Variants in PCSK5 observed in about 807,000 individuals in gnomAD.
PCSK5 encodes the protein proprotein convertase subtilisin/kexin type 5, also known as prohormone convertase 5.
A neutral mutation model predicts 233.2 loss-of-function variants in PCSK5; 129 were observed. That is an observed-to-expected ratio of 0.55 (90% confidence interval 0.48 to 0.64). The LOEUF (loss-of-function observed/expected upper bound fraction) is 0.64. PCSK5 is among the 30% of genes least tolerant of loss of function. PCSK5 has a pLI of 0.00. For synonymous variants in PCSK5, 825 were observed against 879.2 expected, an observed-to-expected ratio of 0.94 and a Z score of 1.09; for missense variants, 2,076 against 2,430.1, an observed-to-expected ratio of 0.85 and a Z score of 3.06.
intron 1 of PCSK5, among the ~76,000 whole-genome samples, chr9:75,914,186 T>C (rs1822879515): frequency 6.6e-6 from 1 of 152,202 alleles, no homozygotes; most frequent in Non-Finnish European, 1.5e-5. Context: ...AACCAATTAT[T>C]AACTCAACCA....
chr9:75,968,833 G>A (rs1248263893), intron 2 of PCSK5, among the ~76,000 whole-genome samples: 2 of 152,176 alleles, frequency 1.3e-5, no homozygotes, highest in African/African-American at 4.8e-5. Flanking sequence ...CATTTGATAA[G>A]GTGTGTGAAA....
chr9:76,065,212 AC>A (rs1359891349), intron 5 of PCSK5, among the ~76,000 whole-genome samples: 4 of 148,170 alleles, frequency 2.7e-5, no homozygotes, highest in African/African-American at 5.0e-5. Context: ...GTTTTACGGG[AC>A]CCGCCATACT....
intron 12 of PCSK5, among the ~76,000 whole-genome samples, chr9:76,168,023 T>C (rs1823159183): frequency 6.6e-6 from 1 of 152,216 alleles, no homozygotes. Context: ...TTTTTTAAAG[T>C]TCTATACAAA....
At chr9:76,276,856 C>A (rs1453203657) in intron 24 of PCSK5, among the ~76,000 whole-genome samples, 1 of 152,154 alleles carries the variant, frequency 6.6e-6, no homozygotes, top group Admixed American at 6.5e-5. Context: ...AACAGAACAA[C>A]CTGTCTTCAT....
intron 5 of PCSK5, among the ~76,000 whole-genome samples, chr9:76,039,658 A>G (rs1829009562): frequency 6.6e-6 from 1 of 152,236 alleles, no homozygotes; most frequent in Non-Finnish European, 1.5e-5. Context: ...TTTGTACTTG[A>G]AAAGTTATTG....
intron 35 of PCSK5, among the ~76,000 whole-genome samples, chr9:76,341,289 G>C: frequency 6.6e-6 from 1 of 151,858 alleles, no homozygotes; most frequent in East Asian, 1.9e-4. Flanking sequence ...AGATCTTTCT[G>C]TTTGTGTCTT....
chr9:75,940,551 A>C (rs950998679), intron 2 of PCSK5, among the ~76,000 whole-genome samples: 3 of 152,246 alleles, frequency 2.0e-5, no homozygotes, highest in African/African-American at 7.2e-5. Flanking sequence ...AAAGAAGAAA[A>C]GCAAGTTCAA....
chr9:76,270,680 G>C (rs1482577925), intron 24 of PCSK5, among the ~76,000 whole-genome samples: 1 of 152,236 alleles, frequency 6.6e-6, no homozygotes, highest in Non-Finnish European at 1.5e-5. Context: ...AGCCTGGAGA[G>C]ACATTCTTTA....
At chr9:76,226,722 C>T (rs1333220812) in intron 20 of PCSK5, among the ~76,000 whole-genome samples, 2 of 152,092 alleles carry the variant, frequency 1.3e-5, no homozygotes, top group Non-Finnish European at 2.9e-5. Flanking sequence ...AAGACAATAG[C>T]AGGTTAGGAT....
chr9:75,891,093 CG>C lies in PCSK5; in HGVS notation c.-86del. The stretch of plus-strand genomic sequence containing the variant: ...GCTGCGGCGGCCCGGGGCTGCTCGC[CG>C]GGCGGCGCAGGCCGGAGAAGTTAGT... On this transcript the variant is annotated 5_prime_UTR_variant, in exon 1 of 38. Coordinates refer to ENST00000674117, the MANE Select transcript of PCSK5 (RefSeq NM_001372043.1). 9.4e-7 allele frequency: 1 copy of C among 1,065,088 alleles called. No individual in the cohort carries two copies. Among genetic ancestry groups the C allele is most frequent in the South Asian group, 2.2e-5 (1 of 44,842 alleles). 66.0% of individuals were successfully genotyped at this position (1,065,088 alleles called of 1,614,324 possible). A position where few individuals can be genotyped will look rare whatever the true frequency, so the allele number is the denominator to read the frequency against.
At chr9:76,267,073 G>A (rs1420679585) in intron 24 of PCSK5, among the ~76,000 whole-genome samples, 1 of 152,190 alleles carries the variant, frequency 6.6e-6, no homozygotes, top group African/African-American at 2.4e-5. Flanking sequence ...CCCCTGGAGG[G>A]CTGTGAAATG....
In PCSK5 at chr9:76,259,289, A is replaced by G. The variant is rs191363841; in HGVS notation, c.3142+18605A>G. The stretch of plus-strand genomic sequence containing the variant: ...GCCCTAGTCATGATTGCTGTAGCCC[A>G]TTCTTGCCCCAGGGCCCTGCACTAG... On this transcript the variant is annotated intron_variant, in intron 24 of 37. Coordinates refer to ENST00000674117, the MANE Select transcript of PCSK5 (RefSeq NM_001372043.1). Among the ~76,000 whole-genome samples, 641 of 152,250 alleles carry G rather than the reference A, an allele frequency of 4.2e-3. 7 individuals carry two copies. Among genetic ancestry groups the G allele is most frequent in the African/African-American group, 0.015 (616 of 41,544 alleles).
In PCSK5 at chr9:76,220,366, A is replaced by C. The variant is rs1279254082; in HGVS notation, c.2627-7137A>C. 2.6e-5 allele frequency among the ~76,000 whole-genome samples: 4 copies of C among 151,924 alleles called. No homozygotes were observed. The East Asian group carries it at 7.7e-4, about 29-fold the overall frequency. ...ACATGGTGAAACCCTGTCTCTACTA[A>C]AAATACAAAAATCAGCTGGGCGTGG... is the stretch of plus-strand genomic sequence containing the variant. On this transcript the variant is annotated intron_variant, in intron 20 of 37. Coordinates refer to ENST00000674117, the MANE Select transcript of PCSK5 (RefSeq NM_001372043.1).
rs781025280 is a variant in PCSK5, at chr9:76,327,989, C to T, written c.4340-20C>T. On this transcript the variant is annotated intron_variant, in intron 32 of 37. Coordinates refer to ENST00000674117, the MANE Select transcript of PCSK5 (RefSeq NM_001372043.1). ...CCCTGGCTCTCGCTCACTCTGTCTG[C>T]TGCCCCTCCACGCCCACAGATTGCC... 3.3e-6 allele frequency: 5 copies of T among 1,522,296 alleles called. No homozygotes were observed. Among genetic ancestry groups the T allele is most frequent in the Non-Finnish European group, 3.6e-6 (4 of 1,097,308 alleles). 94.3% of individuals were successfully genotyped at this position (1,522,296 alleles called of 1,614,324 possible).
At chr9:76,035,560 G>T (rs563068522) in intron 5 of PCSK5, among the ~76,000 whole-genome samples, 8 of 152,064 alleles carry the variant, frequency 5.3e-5, no homozygotes, top group Admixed American at 5.2e-4. Context: ...CTAACTTGGT[G>T]TATTATTGAC....
At chr9:76,192,002 C>G (rs1370041623) in intron 20 of PCSK5, among the ~76,000 whole-genome samples, 1 of 144,008 alleles carries the variant, frequency 6.9e-6, no homozygotes, top group Non-Finnish European at 1.5e-5. Context: ...TCACTTGAAC[C>G]CTGGAGGTGG....
At chr9:75,962,850 C>T (rs923318426) in intron 2 of PCSK5, among the ~76,000 whole-genome samples, 9 of 152,268 alleles carry the variant, frequency 5.9e-5, no homozygotes, top group East Asian at 1.9e-4. Context: ...TGGGCCTCTG[C>T]GCACACCCAG....
chr9:76,295,375 G>C lies in PCSK5; in HGVS notation c.3286G>C (p.Gly1096Arg), dbSNP rs748035585. 1 of 1,612,164 alleles carries C rather than the reference G, an allele frequency of 6.2e-7. No individual in the cohort carries two copies. The highest frequency in any genetic ancestry group is 8.5e-7 in the Non-Finnish European group (1 of 1,179,358). The change falls in exon 26 of 38, where the codon GGG (glycine) becomes CGG (arginine). Residue 1096 changes from glycine (G) to arginine (R), a missense_variant. Physicochemically the swap from Gly to Arg is moderately radical, Grantham distance 125. Around this residue, in one of 6 missense-constraint regions of PCSK5, gnomAD observed 1,510 missense variants for 1,538.1 expected, o/e 0.98. Transcript: ENST00000674117. ...DSNCGSCDQNGCYWCEEGFFL... is the reference protein window; with the variant it reads ...DSNCGSCDQNRCYWCEEGFFL... ...TAACTGTGGCAGCTGTGACCAGAATGGGTGTTACTGGTGTGAAGAGGGCTT... is the reference window on the plus strand; with the variant it reads ...TAACTGTGGCAGCTGTGACCAGAATCGGTGTTACTGGTGTGAAGAGGGCTT...
rs755852075 is a variant in PCSK5 at position 76,189,652 on chromosome 9, G to A, written c.2532G>A (p.Thr844=). ...SCKKCDISCL[T]CNGPGFKNCT... is the part of the protein sequence containing the mutation. ...ATAGATGTGATATCAGTTGTTTGAC[G>A]TGCAATGGCCCAGGATTCAAGAACT... The change falls in exon 20 of 38, where the codon ACG becomes ACA. Residue 844 remains threonine (T), a synonymous_variant. Coordinates refer to ENST00000674117, the MANE Select transcript of PCSK5 (RefSeq NM_001372043.1). 57 of 1,610,986 alleles carry A rather than the reference G, an allele frequency of 3.5e-5. No homozygotes were observed. The highest frequency in any genetic ancestry group is 1.1e-4 in the South Asian group (10 of 91,002).
Sources: allele counts gnomAD v4.1 joint callset (sites outside exome capture counted in the v4.1 genomes callset), GRCh38; gene constraint gnomAD v4.1.1; regional missense constraint gnomAD v4.1.1; transcripts MANE v1.5; gene names NCBI Gene and HGNC (gene_info 2026-07-23, HGNC 2026-07-21).